Variants in ACOT7 observed in about 807,000 individuals in gnomAD.
ACOT7 encodes acyl-CoA thioesterase 7, also known as cytosolic acyl coenzyme A thioester hydrolase.
ACOT7 carries 12 observed loss-of-function variants against 40.2 expected under a neutral mutation model. The ratio of observed to expected loss-of-function variants is 0.30; its 90% CI spans 0.19 to 0.48. ACOT7 has a LOEUF of 0.48. ACOT7 is among the 20% of genes least tolerant of loss of function. ACOT7 has a pLI of 0.99. For missense variants in ACOT7, 395 were observed against 530.8 expected (o/e 0.74, Z 2.51); for synonymous variants, 228 against 219.5 (o/e 1.04, Z -0.34).
chr1:6,306,631 C>A lies in ACOT7; in HGVS notation c.713-11651G>T. ...AGAAGGAATTTAACTGCAGCCTGTGCCACTCAGCTTCACGAGGAAGAAAGC... is the reference window on the plus strand; with the variant it reads ...AGAAGGAATTTAACTGCAGCCTGTGACACTCAGCTTCACGAGGAAGAAAGC... On this transcript the variant is annotated intron_variant, in intron 6 of 8. Coordinates refer to ENST00000361521, the MANE Select transcript of ACOT7 (RefSeq NM_007274.4). The surrounding 1 kb of genome is among the most constrained non-coding windows in gnomAD (Gnocchi z 4.3). 2 of 985,410 alleles carry A rather than the reference C, an allele frequency of 2.0e-6. No homozygotes were observed. Among genetic ancestry groups the A allele is most frequent in the South Asian group, 9.4e-5 (2 of 21,286 alleles). 61.0% of individuals were successfully genotyped at this position (985,410 alleles called of 1,614,324 possible).
Position 6,281,130 on chromosome 1 carries a change from C to T in ACOT7, c.986G>A (p.Gly329Asp). The T allele has an allele frequency of 6.2e-7, 1 of 1,613,924 alleles. No homozygotes were observed. Among genetic ancestry groups the T allele is most frequent in the Non-Finnish European group, 8.5e-7 (1 of 1,180,030 alleles). ...CAGCTGGGGCACAGGCAGCGACCTG[C>T]CTTCCTGGCTCAGCGACACGTAGGT... ...FFTYVSLSQE[G>D]RSLPVPQLVP... Residue 329 changes from glycine (G) to aspartate (D), a missense_variant, in exon 8 of 9, where the codon GGC becomes GAC. Gly to Asp is a moderately conservative substitution (Grantham distance 94, BLOSUM62 -1). Coordinates refer to ENST00000361521, the MANE Select transcript of ACOT7 (RefSeq NM_007274.4).
intron 1 of ACOT7, among the ~76,000 whole-genome samples, chr1:6,392,255 G>A (rs777254547): frequency 6.6e-6 from 1 of 152,154 alleles, no homozygotes; most frequent in African/African-American, 2.4e-5. Context: ...CAAATGTGAG[G>A]AACCCACTAC....
chr1:6,276,304 G>A (rs1011449607), intron 8 of ACOT7, among the ~76,000 whole-genome samples: 5 of 152,014 alleles, frequency 3.3e-5, no homozygotes, highest in Admixed American at 6.6e-5. Flanking sequence ...GTCTGCTGCC[G>A]CCTGCGTCCT....
At chr1:6,302,414 G>A (rs922132711) in intron 6 of ACOT7, among the ~76,000 whole-genome samples, 1 of 152,140 alleles carries the variant, frequency 6.6e-6, no homozygotes, top group Non-Finnish European at 1.5e-5. Flanking sequence ...TTGGCCTTGC[G>A]ACAGCGAAGG....
intron 1 of ACOT7, among the ~76,000 whole-genome samples, chr1:6,390,019 T>C (rs1642507892): frequency 1.3e-5 from 2 of 152,184 alleles, no homozygotes. Context: ...AGGAGGCTCC[T>C]CTTTCAACTT....
intron 1 of ACOT7, among the ~76,000 whole-genome samples, chr1:6,353,617 G>A (rs1641657941): frequency 6.6e-6 from 1 of 152,258 alleles, no homozygotes; most frequent in South Asian, 2.1e-4. Context: ...CTGGGTGACA[G>A]AGTGAGACTT....
At chr1:6,376,519 G>A (rs1244136704) in intron 1 of ACOT7, among the ~76,000 whole-genome samples, 1 of 151,592 alleles carries the variant, frequency 6.6e-6, no homozygotes, top group African/African-American at 2.4e-5. Flanking sequence ...ACGAGGTCAG[G>A]AGATCGAGAC....
chr1:6,388,265 A>C (rs1233861015), intron 1 of ACOT7, among the ~76,000 whole-genome samples: 1 of 151,782 alleles, frequency 6.6e-6, no homozygotes, highest in Non-Finnish European at 1.5e-5. Flanking sequence ...GCACACCGCC[A>C]CGCCCGCCTA....
At chr1:6,385,492 A>G in intron 1 of ACOT7, 2 of 1,607,238 alleles carry the variant, frequency 1.2e-6, no homozygotes, top group Non-Finnish European at 1.7e-6. Flanking sequence ...CAGTCATCCT[A>G]CCTTCCAGTA....
chr1:6,332,065 A>G (rs761107), intron 4 of ACOT7, among the ~76,000 whole-genome samples: 53,946 of 152,252 alleles, frequency 0.35, 14,682 homozygotes, highest in African/African-American at 0.77. Context: ...GAGGGAACCA[A>G]GGCTGCCGGC....
intron 1 of ACOT7, among the ~76,000 whole-genome samples, chr1:6,356,348 C>T (rs1382630721): frequency 1.3e-5 from 2 of 152,144 alleles, no homozygotes; most frequent in African/African-American, 4.8e-5. Flanking sequence ...AAGAAAGCAG[C>T]ACTGAGTGGC....
chr1:6,283,515 G>A (rs969193305), intron 7 of ACOT7, among the ~76,000 whole-genome samples: 1 of 152,224 alleles, frequency 6.6e-6, no homozygotes, highest in Non-Finnish European at 1.5e-5. Flanking sequence ...CTTGGCCACT[G>A]CTGCCACGGC....
Position 6,306,965 on chromosome 1 carries a change from C to A in ACOT7, c.712+11527G>T, listed in dbSNP as rs1397835486. On this transcript the variant is annotated intron_variant, in intron 6 of 8. Transcript: ENST00000361521. This position sits in a 1 kb window ranked among gnomAD's most constrained non-coding sequence, Gnocchi z 4.3. ...AGCGTCTTGGTGGAGGCCTCACTTG[C>A]GTCCCCTCCCATGTTTTCTCTGCCT... 7 of 1,254,844 alleles carry A rather than the reference C, an allele frequency of 5.6e-6. No individual in the cohort carries two copies. Among genetic ancestry groups the A allele is most frequent in the Non-Finnish European group, 7.3e-6 (7 of 958,306 alleles). 77.7% of individuals were successfully genotyped at this position (1,254,844 alleles called of 1,614,324 possible).
intron 3 of ACOT7, among the ~76,000 whole-genome samples, chr1:6,336,085 G>A (rs570653032): frequency 6.6e-6 from 1 of 152,150 alleles, no homozygotes. Flanking sequence ...GGTGGCTTAC[G>A]CCTGTAATCC....
chr1:6,322,083 G>A (rs1006201877), intron 5 of ACOT7, among the ~76,000 whole-genome samples: 5 of 152,212 alleles, frequency 3.3e-5, no homozygotes, highest in Admixed American at 6.5e-5. Context: ...GCCACAGGTC[G>A]TGCGAACTGG....
In ACOT7 at chr1:6,301,819, G is replaced by A. The variant is rs1009943719; in HGVS notation, c.713-6839C>T. ...GCTTGATGACCGGCCAAAAAACCAA[G>A]CCCACACTCAAAATGATCTTGCTGT... On this transcript the variant is annotated intron_variant, in intron 6 of 8. Transcript: ENST00000361521. This position sits in a 1 kb window ranked among gnomAD's most constrained non-coding sequence, Gnocchi z 4.1. Among the ~76,000 whole-genome samples, 11 of 152,272 alleles carry A rather than the reference G, an allele frequency of 7.2e-5. No homozygotes were observed. The highest frequency in any genetic ancestry group is 3.4e-3 in the Middle Eastern group (1 of 294).
intron 6 of ACOT7, among the ~76,000 whole-genome samples, chr1:6,307,304 A>G (rs56961204): frequency 0.19 from 28,789 of 152,238 alleles, 5,626 homozygotes; most frequent in African/African-American, 0.5. Context: ...ACTGCGCGGC[A>G]CCAGCACAGT....
At chr1:6,363,357 G>A (rs908097993) in intron 1 of ACOT7, among the ~76,000 whole-genome samples, 4 of 152,124 alleles carry the variant, frequency 2.6e-5, no homozygotes, top group African/African-American at 9.7e-5. Context: ...AGGAAAGGGA[G>A]TCTCCCTTTC....
intron 8 of ACOT7, among the ~76,000 whole-genome samples, chr1:6,268,802 G>C (rs1029148945): frequency 6.6e-6 from 1 of 152,224 alleles, no homozygotes; most frequent in African/African-American, 2.4e-5. Context: ...GTCCCCTAAC[G>C]ATCTGGCCTC....
Sources: allele counts gnomAD v4.1 joint callset (sites outside exome capture counted in the v4.1 genomes callset), GRCh38; gene constraint gnomAD v4.1.1; non-coding constraint Gnocchi (gnomAD v3.1); transcripts MANE v1.5; gene names NCBI Gene and HGNC (gene_info 2026-07-23, HGNC 2026-07-21).